LIG1: variants seen among roughly 807,000 people sequenced by gnomAD.
LIG1 encodes DNA ligase 1, also known as ligase I, DNA, ATP-dependent.
Under a neutral mutation model 115.7 loss-of-function variants are expected in LIG1, and 70 were observed. The observed-to-expected ratio is 0.60, with a 90% CI of 0.50 to 0.74. The LOEUF is 0.74. Among genes scored for constraint, LIG1 ranks in the 30% least tolerant of loss-of-function variants. The pLI is 0.00. For synonymous variants in LIG1, 487 were observed against 495.3 expected (o/e 0.98, Z 0.22); for missense variants, 1,115 against 1,225.6 (o/e 0.91, Z 1.35).
rs373220034 is a variant in LIG1, at chr19:48,117,725, G to C, written c.2496C>G (p.Pro832=). 1.2e-6 allele frequency: 2 copies of C among 1,613,024 alleles called. No individual in the cohort carries two copies. The highest frequency in any genetic ancestry group is 3.3e-5 in the Admixed American group (2 of 59,872). Reference sequence around the variant, plus strand: ...CAGCGCTGGGGTCCAGCCAGTGGTCGGGAATCACAGCGCCATCTATCCGCA... The same window carrying C: ...CAGCGCTGGGGTCCAGCCAGTGGTCCGGAATCACAGCGCCATCTATCCGCA... ...PYVRIDGAVI[P]DHWLDPSAVW... Residue 832 remains proline (P), a synonymous_variant, in exon 26 of 28, where the codon CCC becomes CCG. Transcript: ENST00000263274.
intron 1 of LIG1, 22 bp downstream of exon 1, chr19:48,170,219 G>A: frequency 2.2e-6 from 1 of 455,172 alleles, no homozygotes; most frequent in Non-Finnish European, 4.4e-6. Context: ...CCTCCCATCT[G>A]CTTGCGGACG....
chr19:48,136,863 T>C (rs1432984822), intron 14 of LIG1, 145 bp downstream of exon 14: 17 of 734,944 alleles, frequency 2.3e-5, no homozygotes, highest in Non-Finnish European at 4.1e-5. Context: ...CCCTTCCCAC[T>C]CTTTAGGGGC....
rs367976029 is a variant in LIG1, at chr19:48,137,739, G to A, written c.1088-51C>T. ...TGTCGAGGGTGACAGTTGTGGCTGC[G>A]TGTCTCCCTTCTCTCGCGGCCTGGA... On this transcript the variant is annotated intron_variant, in intron 12 of 27. Transcript: ENST00000263274. This position sits in a 1 kb window ranked among gnomAD's most constrained non-coding sequence, Gnocchi z 4.3. 90 of 1,592,698 alleles carry A rather than the reference G, an allele frequency of 5.7e-5. No homozygotes were observed. In the African/African-American group the frequency reaches 6.3e-4, roughly 11 times the overall value.
chr19:48,144,783 CGTG>C lies in LIG1; in HGVS notation c.777-823_777-821del, dbSNP rs1156610910. Among the ~76,000 whole-genome samples, 162 of 152,128 alleles carry C rather than the reference CGTG, an allele frequency of 1.1e-3. 1 individual carries two copies. Among genetic ancestry groups the C allele is most frequent in the Admixed American group, 0.011 (161 of 15,268 alleles). On this transcript the variant is annotated intron_variant, in intron 9 of 27. Transcript: ENST00000263274. Reference sequence around the variant, plus strand: ...CCTCCCAAAGTGCTAGGATTATAGGCGTGAGCCACCGTGCCTGGCCAGAAGGGA... The same window carrying C: ...CCTCCCAAAGTGCTAGGATTATAGGCAGCCACCGTGCCTGGCCAGAAGGGA...
chr19:48,167,152 T>A (rs2036528923), intron 1 of LIG1, among the ~76,000 whole-genome samples: 1 of 150,664 alleles, frequency 6.6e-6, no homozygotes, highest in Non-Finnish European at 1.5e-5. Flanking sequence ...TTATAAATAT[T>A]AAAGATATAA....
intron 21 of LIG1, among the ~76,000 whole-genome samples, chr19:48,126,271 T>G (rs1285262993): frequency 6.6e-6 from 1 of 151,958 alleles, no homozygotes; most frequent in African/African-American, 2.4e-5. Flanking sequence ...TAAAGCAAGC[T>G]GTTCTCAAAC....
At chr19:48,138,412 C>T (rs1478904639) in intron 12 of LIG1, among the ~76,000 whole-genome samples, 1 of 152,194 alleles carries the variant, frequency 6.6e-6, no homozygotes, top group Admixed American at 6.5e-5. Flanking sequence ...CCGTAATGAA[C>T]GAACAAGTGC....
intron 16 of LIG1, 52 bp from the exon 17 acceptor site, chr19:48,134,118 A>G: frequency 6.7e-7 from 1 of 1,493,660 alleles, no homozygotes; most frequent in Non-Finnish European, 9.1e-7. Flanking sequence ...GAACTCACAC[A>G]GTTTGGAAAG....
intron 1 of LIG1, among the ~76,000 whole-genome samples, chr19:48,168,937 T>G (rs2036617744): frequency 6.6e-6 from 1 of 152,208 alleles, no homozygotes; most frequent in African/African-American, 2.4e-5. Flanking sequence ...ATGGGCAAAC[T>G]GTATAATTGT....
intron 1 of LIG1, chr19:48,165,846 A>C (rs934985932): frequency 7.1e-6 from 4 of 565,520 alleles, no homozygotes; most frequent in Non-Finnish European, 9.5e-6. Flanking sequence ...GGCCTCCTTT[A>C]CCATAAGAAG....
At chr19:48,129,743 A>T (rs1015184122) in intron 19 of LIG1, among the ~76,000 whole-genome samples, 1 of 152,092 alleles carries the variant, frequency 6.6e-6, no homozygotes, top group Non-Finnish European at 1.5e-5. Flanking sequence ...CAGGGACACA[A>T]GGAAATATTT....
At position 48,157,132 on chromosome 19, in the gene LIG1, G is replaced by T. The variant is rs527399188; in HGVS notation, c.252C>A (p.Ala84=). The T allele has an allele frequency of 7.4e-6, 12 of 1,610,860 alleles. No homozygotes were observed. The highest frequency in any genetic ancestry group is 1.3e-5 in the African/African-American group (1 of 74,762). The change falls in exon 5 of 28, where the codon GCC becomes GCA. Residue 84 remains alanine, a synonymous_variant. Coordinates refer to ENST00000263274, the MANE Select transcript of LIG1 (RefSeq NM_000234.3). ...GCGGGGAGACCTGTGAGCAGTCCAGGGCAGGCTTCTGGAAGAGGAAAGAAC... is the reference window on the plus strand; with the variant it reads ...GCGGGGAGACCTGTGAGCAGTCCAGTGCAGGCTTCTGGAAGAGGAAAGAAC... ...ALSPAKGQKP[A]LDCSQVSPPR...
chr19:48,167,818 C>A (rs12463269), intron 1 of LIG1, among the ~76,000 whole-genome samples: 2 of 147,896 alleles, frequency 1.4e-5, no homozygotes, highest in African/African-American at 2.5e-5. Context: ...AGAGCGAGAC[C>A]CCGTCTTAAA....
At chr19:48,119,335 G>A (rs2033100269) in intron 24 of LIG1, 145 bp from the exon 25 acceptor site, 1 of 724,454 alleles carries the variant, frequency 1.4e-6, no homozygotes, top group Non-Finnish European at 2.5e-6. Flanking sequence ...GTAGGGAGCT[G>A]GGGGTGCGGA....
intron 6 of LIG1, 53 bp from the exon 7 acceptor site, chr19:48,151,392 G>T: frequency 8.8e-7 from 1 of 1,131,186 alleles, no homozygotes; most frequent in Non-Finnish European, 1.4e-6. Flanking sequence ...GAACCTACAA[G>T]GGCATTTTGA....
At chr19:48,168,155 G>C (rs2036579908) in intron 1 of LIG1, among the ~76,000 whole-genome samples, 1 of 152,194 alleles carries the variant, frequency 6.6e-6, no homozygotes, top group African/African-American at 2.4e-5. Flanking sequence ...AGGTCGGCCT[G>C]CTCCACAGCT....
intron 20 of LIG1, chr19:48,127,554 T>C (rs2033752701): frequency 1.3e-5 from 8 of 620,178 alleles, no homozygotes; most frequent in East Asian, 2.7e-5. Context: ...CTTCACCAGA[T>C]ATTTGCTCTC....
At chr19:48,160,487 T>C (rs2036110965) in intron 4 of LIG1, among the ~76,000 whole-genome samples, 1 of 152,052 alleles carries the variant, frequency 6.6e-6, no homozygotes, top group Non-Finnish European at 1.5e-5. Context: ...AGGAGGGGCC[T>C]GGGAGGTTTC....
chr19:48,124,099 C>T (rs1599748392), intron 21 of LIG1, among the ~76,000 whole-genome samples: 3 of 152,186 alleles, frequency 2.0e-5, no homozygotes, highest in East Asian at 1.9e-4. Context: ...TTTGTTCGAT[C>T]GGTCCCCACC....
Sources: allele counts gnomAD v4.1 joint callset (sites outside exome capture counted in the v4.1 genomes callset), GRCh38; gene constraint gnomAD v4.1.1; non-coding constraint Gnocchi (gnomAD v3.1); transcripts MANE v1.5; gene names NCBI Gene and HGNC (gene_info 2026-07-23, HGNC 2026-07-21).